SUPT3H: variants seen among roughly 807,000 people sequenced by gnomAD.
SUPT3H encodes the protein SPT3 homolog, SAGA and STAGA complex component.
A neutral mutation model predicts 44.3 loss-of-function variants in SUPT3H; 44 were observed. The ratio of observed to expected loss-of-function variants is 0.99; its 90% confidence interval spans 0.78 to 1.28. The LOEUF is 1.28. Ranked by LOEUF, SUPT3H falls within the 50% of genes most tolerant of loss-of-function variation. SUPT3H has a pLI of 0.00. For missense variants in SUPT3H, 380 were observed against 387.1 expected (o/e 0.98, Z 0.15); for synonymous variants, 124 against 125.6 (o/e 0.99, Z 0.09).
intron 2 of SUPT3H, among the ~76,000 whole-genome samples, chr6:45,360,263 C>G (rs1794024141): frequency 6.6e-6 from 1 of 152,098 alleles, no homozygotes; most frequent in African/African-American, 2.4e-5. Flanking sequence ...ATAGCATCTA[C>G]CCTCACAGAG....
chr6:44,881,943 C>G (rs1422845633), intron 10 of SUPT3H, among the ~76,000 whole-genome samples: 3 of 151,986 alleles, frequency 2.0e-5, no homozygotes, highest in Admixed American at 6.6e-5. Flanking sequence ...GGGAAAGATC[C>G]AAAATCGACA....
chr6:45,357,197 C>T (rs966417225), intron 2 of SUPT3H, among the ~76,000 whole-genome samples: 9 of 152,054 alleles, frequency 5.9e-5, no homozygotes, highest in South Asian at 2.1e-4. Context: ...TTAGTAGAGA[C>T]GGGGTTTCAC....
chr6:45,249,322 T>C (rs1208359545), intron 2 of SUPT3H, among the ~76,000 whole-genome samples: 1 of 152,166 alleles, frequency 6.6e-6, no homozygotes, highest in Non-Finnish European at 1.5e-5. Context: ...AAACATTACA[T>C]GCTCTAACTT....
rs538012003 is a variant in SUPT3H, at chr6:45,019,259, T to C, written c.273+1287A>G. On this transcript the variant is annotated intron_variant, in intron 4 of 10. Coordinates refer to ENST00000371459, the MANE Select transcript of SUPT3H (RefSeq NM_003599.4). Reference sequence around the variant, plus strand: ...CTCTTTTTTTCTTTATTAGTCTTGCTAGCGGTCTATCAGTTTTGTTGATCC... The same window carrying C: ...CTCTTTTTTTCTTTATTAGTCTTGCCAGCGGTCTATCAGTTTTGTTGATCC... Among the ~76,000 whole-genome samples, 9 of 152,238 alleles carry C rather than the reference T, an allele frequency of 5.9e-5. No individual in the cohort carries two copies. The South Asian group carries it at 1.9e-3, about 32-fold the overall frequency.
At chr6:44,953,820 C>T (rs1321137764) in intron 8 of SUPT3H, among the ~76,000 whole-genome samples, 9 of 152,152 alleles carry the variant, frequency 5.9e-5, no homozygotes, top group African/African-American at 2.2e-4. Context: ...CAACCTCGGC[C>T]TCCTAGGTTC....
At chr6:44,888,519 T>G (rs149920312) in intron 10 of SUPT3H, among the ~76,000 whole-genome samples, 2 of 152,136 alleles carry the variant, frequency 1.3e-5, no homozygotes, top group Non-Finnish European at 2.9e-5. Context: ...AAAAACCACA[T>G]GATTACCTCA....
At chr6:45,264,280 T>C (rs1258425013) in intron 2 of SUPT3H, among the ~76,000 whole-genome samples, 3 of 152,212 alleles carry the variant, frequency 2.0e-5, no homozygotes, top group Non-Finnish European at 4.4e-5. Flanking sequence ...GAAGTATTTT[T>C]ATATACATTT....
At chr6:44,913,395 T>C (rs896653598) in intron 10 of SUPT3H, among the ~76,000 whole-genome samples, 8 of 152,214 alleles carry the variant, frequency 5.3e-5, no homozygotes, top group Non-Finnish European at 8.8e-5. Flanking sequence ...CATCTTCAAC[T>C]TGCAGCTGTC....
rs567001088 is a variant in SUPT3H at position 45,196,887 on chromosome 6, A to AT, written c.102-90882dup. Among the ~76,000 whole-genome samples the AT allele has an allele frequency of 4.0e-5, 6 of 151,808 alleles. No homozygotes were observed. In the South Asian group the frequency reaches 1.2e-3, roughly 31 times the overall value. On this transcript the variant is annotated intron_variant, in intron 2 of 10. Transcript: ENST00000371459. ...GATTGACTTACAGTGTTGCTATATT[A>AT]TTTTTTTAAAACCCTGTCTTTATAA... is the stretch of plus-strand genomic sequence containing the variant.
At chr6:44,905,388 A>G (rs1765839517) in intron 10 of SUPT3H, among the ~76,000 whole-genome samples, 1 of 149,924 alleles carries the variant, frequency 6.7e-6, no homozygotes, top group Non-Finnish European at 1.5e-5. Flanking sequence ...TCAAAAGAAG[A>G]CATTTATGCA....
intron 2 of SUPT3H, among the ~76,000 whole-genome samples, chr6:45,121,698 G>C (rs1801696091): frequency 6.6e-6 from 1 of 151,672 alleles, no homozygotes; most frequent in South Asian, 2.1e-4. Context: ...TTTTTGAGAC[G>C]AAGATTCGCT....
chr6:44,943,850 C>T (rs1224094045), intron 9 of SUPT3H, among the ~76,000 whole-genome samples: 3 of 151,848 alleles, frequency 2.0e-5, no homozygotes, highest in African/African-American at 7.2e-5. Context: ...CTAAGATAAC[C>T]ATCACTAGCT....
intron 2 of SUPT3H, among the ~76,000 whole-genome samples, chr6:45,237,919 C>CA (rs1340300361): frequency 1.3e-5 from 2 of 152,110 alleles, no homozygotes; most frequent in East Asian, 3.8e-4. Flanking sequence ...GCTATGATTC[C>CA]AAAAAACTGG....
intron 2 of SUPT3H, among the ~76,000 whole-genome samples, chr6:45,162,388 G>A (rs1291894580): frequency 2.0e-5 from 3 of 152,066 alleles, no homozygotes; most frequent in African/African-American, 4.8e-5. Context: ...GCCAGCTGGG[G>A]TGGTGTGCAC....
intron 2 of SUPT3H, among the ~76,000 whole-genome samples, chr6:45,178,604 G>T (rs909542093): frequency 6.6e-6 from 1 of 151,986 alleles, no homozygotes; most frequent in Non-Finnish European, 1.5e-5. Flanking sequence ...CAAATCAACA[G>T]AATATACATT....
chr6:45,240,613 G>A (rs182749637), intron 2 of SUPT3H, among the ~76,000 whole-genome samples: 28 of 152,292 alleles, frequency 1.8e-4, no homozygotes, highest in Non-Finnish European at 2.6e-4. Flanking sequence ...GCTGCGCAGC[G>A]ATTCCTATGG....
intron 10 of SUPT3H, among the ~76,000 whole-genome samples, chr6:44,887,296 G>C (rs2461015): frequency 0.99 from 150,968 of 152,294 alleles, 74,850 homozygotes; most frequent in Non-Finnish European, 1. Flanking sequence ...ACTCCCCACT[G>C]CAAATCAACA....
chr6:45,344,896 T>G (rs975841046), intron 2 of SUPT3H, among the ~76,000 whole-genome samples: 5 of 152,130 alleles, frequency 3.3e-5, no homozygotes, highest in Non-Finnish European at 5.9e-5. Context: ...CCCTGAAGTT[T>G]AAGGGACTCT....
In SUPT3H at chr6:45,014,723, T is replaced by C. The variant is rs546277353; in HGVS notation, c.364+78A>G. ...AAAATTAACTAGTTCTCCAGTTACA[T>C]TGGAATTGCATAAATGTGTTATCCA... On this transcript the variant is annotated intron_variant, in intron 5 of 10. Transcript: ENST00000371459. 197 of 967,162 alleles carry C rather than the reference T, an allele frequency of 2.0e-4. 1 individual carries two copies. Among genetic ancestry groups the C allele is most frequent in the East Asian group, 5.4e-4 (19 of 34,876 alleles). The allele number at this position is 967,162 out of a possible 1,614,324, so 59.9% of individuals were successfully genotyped here. A position where few individuals can be genotyped will look rare whatever the true frequency, so the allele number is the denominator to read the frequency against.
Sources: allele counts gnomAD v4.1 joint callset (sites outside exome capture counted in the v4.1 genomes callset), GRCh38; gene constraint gnomAD v4.1.1; transcripts MANE v1.5; gene names NCBI Gene and HGNC (gene_info 2026-07-23, HGNC 2026-07-21).